The following SOX5 variants were observed in gnomAD, a reference collection of about 807,000 sequenced individuals.
The protein encoded by SOX5 is SRY-box transcription factor 5.
SOX5 carries 9 observed loss-of-function variants against 92.0 expected under a neutral mutation model. That is an observed-to-expected ratio of 0.10 (90% confidence interval 0.06 to 0.17). The LOEUF (loss-of-function observed/expected upper bound fraction) is 0.17, where lower values mean the gene tolerates loss of function less well. SOX5 is among the 10% of genes least tolerant of loss of function. SOX5 has a pLI of 1.00. For synonymous variants in SOX5, 344 were observed against 336.3 expected (o/e 1.02, Z -0.25); for missense variants, 642 against 944.5 (o/e 0.68, Z 4.20).
At chr12:23,640,706 G>A (rs768724632) in intron 8 of SOX5, 106 bp downstream of exon 8, 5 of 765,792 alleles carry the variant, frequency 6.5e-6, no homozygotes, top group Non-Finnish European at 1.1e-5. Flanking sequence ...AAAACAGAAA[G>A]TGTGAGACGA....
intron 3 of SOX5, among the ~76,000 whole-genome samples, chr12:24,220,210 T>C (rs924654734): frequency 1.3e-5 from 2 of 152,008 alleles, no homozygotes; most frequent in African/African-American, 2.4e-5. Flanking sequence ...ATATAGAAGA[T>C]AGTATCATCA....
chr12:23,827,752 T>C (rs1594824160), intron 3 of SOX5, among the ~76,000 whole-genome samples: 1 of 152,136 alleles, frequency 6.6e-6, no homozygotes, highest in Non-Finnish European at 1.5e-5. Flanking sequence ...ATACTAAATG[T>C]GATGGAAAGA....
chr12:23,949,415 CA>C, intron 1 of SOX5, 148 bp downstream of exon 1: 1 of 961,892 alleles, frequency 1.0e-6, no homozygotes, highest in Non-Finnish European at 1.6e-6. Context: ...GCAATCACAA[CA>C]AAAAATCAGC....
chr12:24,145,437 T>C (rs1026477930), intron 4 of SOX5, among the ~76,000 whole-genome samples: 2 of 152,126 alleles, frequency 1.3e-5, no homozygotes, highest in African/African-American at 2.4e-5. Context: ...ACAGAAACTC[T>C]AGTTTAAATA....
intron 7 of SOX5, among the ~76,000 whole-genome samples, chr12:23,655,437 C>T (rs548397051): frequency 2.4e-4 from 37 of 152,020 alleles, no homozygotes; most frequent in African/African-American, 8.0e-4. Context: ...TGAATGGTCC[C>T]GAGAAAATTC....
intron 4 of SOX5, among the ~76,000 whole-genome samples, chr12:24,081,889 T>C (rs1208433317): frequency 6.6e-6 from 1 of 151,930 alleles, no homozygotes; most frequent in South Asian, 2.1e-4. Context: ...CAGAGGACAA[T>C]GGAAAAAGCC....
rs35993008 is a variant in SOX5 at position 24,505,829 on chromosome 12, A to ATGTGTGTG, written c.-251+56492_-251+56499dup. ...CACGCCTGGAAGGCCAAGGCTTGGT[A>ATGTGTGTG]TGTGTGTGTGTGTGTGTGTGTGTGC... On this transcript the variant is annotated intron_variant, in intron 1 of 4. Coordinates refer to the SOX5 transcript ENST00000446891. Among the ~76,000 whole-genome samples the ATGTGTGTG allele has an allele frequency of 7.1e-4, 89 of 124,730 alleles. 2 individuals are homozygous for ATGTGTGTG. Among genetic ancestry groups the ATGTGTGTG allele is most frequent in the African/African-American group, 1.0e-3 (33 of 32,390 alleles). The allele number at this position is 124,730 out of a possible 152,430, so 81.8% of individuals were successfully genotyped here.
intron 1 of SOX5, among the ~76,000 whole-genome samples, chr12:24,493,962 A>C (rs1306577007): frequency 6.6e-6 from 1 of 152,242 alleles, no homozygotes. Flanking sequence ...AAGCAGAAGT[A>C]CTTGCATCAA....
intron 4 of SOX5, among the ~76,000 whole-genome samples, chr12:24,159,265 C>A (rs2138958011): frequency 6.6e-6 from 1 of 152,022 alleles, no homozygotes; most frequent in East Asian, 1.9e-4. Context: ...ATGTGTCAGG[C>A]TAAATTCAAG....
intron 11 of SOX5, among the ~76,000 whole-genome samples, chr12:23,557,613 A>G (rs1401052794): frequency 5.3e-5 from 8 of 152,210 alleles, no homozygotes; most frequent in Admixed American, 5.2e-4. Flanking sequence ...ACCTGTTATC[A>G]AGCAACGTCT....
At chr12:23,718,235 A>G (rs1051601658) in intron 6 of SOX5, among the ~76,000 whole-genome samples, 4 of 152,342 alleles carry the variant, frequency 2.6e-5, no homozygotes, top group African/African-American at 9.6e-5. Flanking sequence ...AATGAAAAAA[A>G]TAAATAAAAT....
intron 4 of SOX5, among the ~76,000 whole-genome samples, chr12:24,094,521 T>C (rs1254633350): frequency 1.3e-5 from 2 of 149,460 alleles, no homozygotes; most frequent in East Asian, 3.9e-4. Flanking sequence ...ATTTACAAAA[T>C]GCCAGATTTA....
intron 1 of SOX5, among the ~76,000 whole-genome samples, chr12:24,507,356 A>C (rs1193929910): frequency 6.6e-6 from 1 of 151,754 alleles, no homozygotes; most frequent in African/African-American, 2.4e-5. Flanking sequence ...AAACCTCGAA[A>C]GCTAATTTAT....
At chr12:24,186,140 A>G (rs1317649299) in intron 4 of SOX5, among the ~76,000 whole-genome samples, 2 of 152,158 alleles carry the variant, frequency 1.3e-5, no homozygotes, top group Non-Finnish European at 2.9e-5. Context: ...ATTACCAGGC[A>G]GAAACAAAAA....
intron 1 of SOX5, among the ~76,000 whole-genome samples, chr12:24,414,277 C>A (rs906380917): frequency 2.0e-5 from 3 of 152,000 alleles, no homozygotes; most frequent in African/African-American, 7.3e-5. Context: ...TTTTTTTAGA[C>A]TAAATTTTGC....
chr12:24,405,972 A>T (rs1040549683), intron 1 of SOX5, among the ~76,000 whole-genome samples: 4 of 152,212 alleles, frequency 2.6e-5, no homozygotes, highest in Admixed American at 2.6e-4. Flanking sequence ...GAGGCTTCAG[A>T]GGAAACCTTT....
At chr12:23,905,948 T>C (rs901598633) in intron 1 of SOX5, among the ~76,000 whole-genome samples, 6 of 152,150 alleles carry the variant, frequency 3.9e-5, no homozygotes, top group Admixed American at 3.3e-4. Flanking sequence ...AGATAAAACA[T>C]TTGGTCACAG....
intron 3 of SOX5, among the ~76,000 whole-genome samples, chr12:23,757,784 A>C (rs1039797211): frequency 2.0e-5 from 3 of 151,924 alleles, no homozygotes; most frequent in African/African-American, 4.8e-5. Flanking sequence ...TATTGTCTGC[A>C]AAGTCCATGA....
intron 1 of SOX5, among the ~76,000 whole-genome samples, chr12:24,499,245 G>T (rs1806550537): frequency 6.6e-6 from 1 of 152,144 alleles, no homozygotes; most frequent in African/African-American, 2.4e-5. Context: ...CGTCCCCCCT[G>T]CCTGGCGCTA....
Sources: gnomAD v4.1 joint callset for allele counts (sites outside exome capture counted in the v4.1 genomes callset) on GRCh38, gnomAD v4.1.1 for gene constraint, MANE v1.5 for transcripts, NCBI Gene and HGNC (gene_info 2026-07-23, HGNC 2026-07-21) for gene names.